TMEM132D: variants seen among roughly 807,000 people sequenced by gnomAD.
The protein encoded by TMEM132D is transmembrane protein 132D.
A neutral mutation model predicts 62.3 loss-of-function variants in TMEM132D; 21 were observed. The observed-to-expected ratio is 0.34, with a 90% CI of 0.24 to 0.49. TMEM132D has a LOEUF of 0.49. TMEM132D is among the 20% of genes least tolerant of loss of function. The probability of loss-of-function intolerance (pLI) is 0.99; values close to 1 mark genes in which losing one functional copy is unlikely to be tolerated. For missense variants in TMEM132D, 1,346 were observed against 1,402.8 expected (o/e 0.96, Z 0.65); for synonymous variants, 621 against 575.6 (o/e 1.08, Z -1.13).
intron 2 of TMEM132D, among the ~76,000 whole-genome samples, chr12:129,574,080 G>A (rs933716756): frequency 6.6e-6 from 1 of 151,818 alleles, no homozygotes; most frequent in Non-Finnish European, 1.5e-5. Flanking sequence ...TGTGTGTAAC[G>A]TTTACAATAA....
At chr12:129,691,275 G>A (rs866101153) in intron 2 of TMEM132D, among the ~76,000 whole-genome samples, 13 of 151,852 alleles carry the variant, frequency 8.6e-5, no homozygotes, top group African/African-American at 2.9e-4. Context: ...AGTGTTAAGT[G>A]TAGACACCTA....
chr12:129,484,347 C>T (rs1874521025), intron 3 of TMEM132D, among the ~76,000 whole-genome samples: 1 of 152,118 alleles, frequency 6.6e-6, no homozygotes, highest in South Asian at 2.1e-4. Flanking sequence ...TCACCTGGAC[C>T]AAAAACTTGT....
At chr12:129,133,927 C>T (rs1876456763) in intron 5 of TMEM132D, among the ~76,000 whole-genome samples, 1 of 152,230 alleles carries the variant, frequency 6.6e-6, no homozygotes, top group Non-Finnish European at 1.5e-5. Flanking sequence ...CTTGGAGCTA[C>T]TGAAGACCAT....
At chr12:129,125,749 C>T (rs917174681) in intron 5 of TMEM132D, among the ~76,000 whole-genome samples, 24 of 151,902 alleles carry the variant, frequency 1.6e-4, no homozygotes, top group Admixed American at 7.2e-4. Flanking sequence ...GCGATCCGCT[C>T]GCCTTGGCCT....
chr12:129,158,771 G>A (rs527728243), intron 5 of TMEM132D, among the ~76,000 whole-genome samples: 1 of 152,314 alleles, frequency 6.6e-6, no homozygotes, highest in South Asian at 2.1e-4. Flanking sequence ...TTTTCACAAT[G>A]CTATAAATAT....
At position 129,796,152 on chromosome 12, in the gene TMEM132D, T is replaced by C. The variant is rs549694125; in HGVS notation, c.80-95454A>G. ...GAGTTTGAGACCAGCCTGGGCAACA[T>C]ACTGAGACCCTGTCTCTAAATAAAT... is the stretch of plus-strand genomic sequence containing the variant. On this transcript the variant is annotated intron_variant, in intron 1 of 8. Coordinates refer to ENST00000422113, the MANE Select transcript of TMEM132D (RefSeq NM_133448.3). Among the ~76,000 whole-genome samples, 18 of 152,100 alleles carry C rather than the reference T, an allele frequency of 1.2e-4. No individual in the cohort carries two copies. In the South Asian group the frequency reaches 2.9e-3, roughly 25 times the overall value.
intron 2 of TMEM132D, 58 bp downstream of exon 2, chr12:129,699,752 C>T (rs2137224914): frequency 6.3e-7 from 1 of 1,579,670 alleles, no homozygotes; most frequent in East Asian, 2.2e-5. Context: ...CAAACAGCTT[C>T]TGGAAAACAC....
At chr12:129,626,555 T>G (rs975122202) in intron 2 of TMEM132D, among the ~76,000 whole-genome samples, 5 of 152,074 alleles carry the variant, frequency 3.3e-5, no homozygotes, top group Non-Finnish European at 5.9e-5. Context: ...CTTTCCAGGT[T>G]CAAGCGATTC....
At chr12:129,403,029 C>G (rs1158420547) in intron 3 of TMEM132D, among the ~76,000 whole-genome samples, 1 of 152,060 alleles carries the variant, frequency 6.6e-6, no homozygotes, top group Non-Finnish European at 1.5e-5. Flanking sequence ...AAGAAGACTC[C>G]ACTGACAGAA....
At chr12:129,322,249 T>A (rs549462812) in intron 4 of TMEM132D, among the ~76,000 whole-genome samples, 1 of 152,304 alleles carries the variant, frequency 6.6e-6, no homozygotes, top group South Asian at 2.1e-4. Context: ...CTGTATATTC[T>A]TACTAATATA....
At chr12:129,391,167 C>T (rs999932614) in intron 3 of TMEM132D, among the ~76,000 whole-genome samples, 2 of 152,176 alleles carry the variant, frequency 1.3e-5, no homozygotes, top group African/African-American at 4.8e-5. Flanking sequence ...CTTAAGTGAG[C>T]TCGTTCATTC....
In TMEM132D at chr12:129,779,463, G is replaced by A. The variant is rs566816409; in HGVS notation, c.80-78765C>T. On this transcript the variant is annotated intron_variant, in intron 1 of 8. Transcript: ENST00000422113. The surrounding 1 kb of genome is among the most constrained non-coding windows in gnomAD (Gnocchi z 4.1). Reference sequence around the variant, plus strand: ...ACCCACCATGCCCAGCTAATATTTTGTAGAGATGAGGTCTCATCATATTGT... The same window carrying A: ...ACCCACCATGCCCAGCTAATATTTTATAGAGATGAGGTCTCATCATATTGT... Among the ~76,000 whole-genome samples the A allele has an allele frequency of 6.6e-6, 1 of 152,194 alleles. No individual in the cohort carries two copies. The highest frequency in any genetic ancestry group is 2.1e-4 in the South Asian group (1 of 4,816).
At chr12:129,820,133 C>T (rs1182136561) in intron 1 of TMEM132D, among the ~76,000 whole-genome samples, 3 of 152,200 alleles carry the variant, frequency 2.0e-5, no homozygotes, top group Admixed American at 6.5e-5. Context: ...ATCTCTGCAA[C>T]CTTGGCCATA....
At chr12:129,808,828 T>A in intron 1 of TMEM132D, among the ~76,000 whole-genome samples, 1 of 151,892 alleles carries the variant, frequency 6.6e-6, no homozygotes, top group Non-Finnish European at 1.5e-5. Flanking sequence ...TTTTTTTTTT[T>A]ACAAAGAACA....
At chr12:129,542,846 C>T (rs1222142684) in intron 2 of TMEM132D, among the ~76,000 whole-genome samples, 1 of 151,992 alleles carries the variant, frequency 6.6e-6, no homozygotes, top group African/African-American at 2.4e-5. Context: ...TCTATGTTTA[C>T]ATATGTTTAG....
chr12:129,223,636 A>C (rs1272282215), intron 4 of TMEM132D, among the ~76,000 whole-genome samples: 1 of 152,214 alleles, frequency 6.6e-6, no homozygotes, highest in Non-Finnish European at 1.5e-5. Flanking sequence ...GCAGCAATAG[A>C]TAACTGATAA....
intron 1 of TMEM132D, among the ~76,000 whole-genome samples, chr12:129,868,075 TG>T (rs1874115186): frequency 6.6e-6 from 1 of 151,976 alleles, no homozygotes. Context: ...GGTACACACA[TG>T]AGGCAGCATT....
chr12:129,305,619 G>A (rs1445807699), intron 4 of TMEM132D, among the ~76,000 whole-genome samples: 3 of 152,176 alleles, frequency 2.0e-5, no homozygotes, highest in Admixed American at 6.5e-5. Context: ...GCAATGTATT[G>A]CAATGTTGAT....
intron 1 of TMEM132D, among the ~76,000 whole-genome samples, chr12:129,747,418 TCACACACACAGACA>T (rs1190555764): frequency 1.4e-5 from 2 of 146,882 alleles, no homozygotes; most frequent in Admixed American, 6.8e-5. Context: ...ACACACATTC[TCACACACACAGACA>T]CACACACTCT....
Sources: gnomAD v4.1 joint callset for allele counts (sites outside exome capture counted in the v4.1 genomes callset) on GRCh38, gnomAD v4.1.1 for gene constraint, Gnocchi (gnomAD v3.1) non-coding constraint, MANE v1.5 for transcripts, NCBI Gene and HGNC (gene_info 2026-07-23, HGNC 2026-07-21) for gene names.